Variants in IQGAP2 observed in about 807,000 individuals in gnomAD.
The protein encoded by IQGAP2 is IQ motif containing GTPase activating protein 2.
A neutral mutation model predicts 201.3 loss-of-function variants in IQGAP2; 173 were observed. The observed-to-expected ratio is 0.86, with a 90% CI of 0.76 to 0.98. IQGAP2 has a LOEUF of 0.98. Among genes scored for constraint, IQGAP2 ranks in the 50% least tolerant of loss-of-function variants. The pLI is 0.00. For missense variants in IQGAP2, 1,687 were observed against 1,864.8 expected (o/e 0.90, Z 1.76); for synonymous variants, 675 against 673.9 (o/e 1.00, Z -0.03).
chr5:76,677,573 C>A (rs1744930439), intron 28 of IQGAP2: 1 of 355,940 alleles, frequency 2.8e-6, no homozygotes, highest in Non-Finnish European at 5.0e-6. Context: ...TCCCTGACTC[C>A]TAGACATTAA....
chr5:76,557,687 G>A (rs1561461649), intron 2 of IQGAP2, among the ~76,000 whole-genome samples: 1 of 152,220 alleles, frequency 6.6e-6, no homozygotes. Context: ...ATTATAAAGA[G>A]AAAGAAGAAA....
chr5:76,575,556 A>G, intron 4 of IQGAP2, 137 bp from the exon 5 acceptor site: 1 of 500,336 alleles, frequency 2.0e-6, no homozygotes, highest in Non-Finnish European at 3.6e-6. Flanking sequence ...CAGCAAGATG[A>G]AGCAATGGCA....
rs11297908 is a variant in IQGAP2 at position 76,503,174 on chromosome 5, CTT to C, written c.146+41521_146+41522del. On this transcript the variant is annotated intron_variant, in intron 2 of 35. Transcript: ENST00000274364. ...TTTCCTTTTCTTTTTCTTTTCTTTTCTTTTTTTTTTTTTTTTTGAGACGGAGT... is the reference window on the plus strand; with the variant it reads ...TTTCCTTTTCTTTTTCTTTTCTTTTCTTTTTTTTTTTTTTTGAGACGGAGT... Among the ~76,000 whole-genome samples the C allele has an allele frequency of 6.9e-3, 750 of 109,334 alleles. 2 individuals carry two copies. Among genetic ancestry groups the C allele is most frequent in the Non-Finnish European group, 0.01 (586 of 55,848 alleles). The allele number at this position is 109,334 out of a possible 152,430, so 71.7% of individuals were successfully genotyped here. A position where few individuals can be genotyped will look rare whatever the true frequency, so the allele number is the denominator to read the frequency against.
At chr5:76,461,121 G>A (rs1040898608) in intron 1 of IQGAP2, among the ~76,000 whole-genome samples, 10 of 152,000 alleles carry the variant, frequency 6.6e-5, no homozygotes, top group South Asian at 2.1e-4. Flanking sequence ...CTTGTGATCC[G>A]CCCACCTCAG....
intron 15 of IQGAP2, among the ~76,000 whole-genome samples, chr5:76,634,786 A>G (rs1157177533): frequency 6.6e-6 from 1 of 152,172 alleles, no homozygotes; most frequent in Non-Finnish European, 1.5e-5. Flanking sequence ...TCAGCCTTGT[A>G]ACTCAGTTTA....
intron 5 of IQGAP2, among the ~76,000 whole-genome samples, chr5:76,579,440 TAAA>T (rs56658667): frequency 7.2e-6 from 1 of 138,856 alleles, no homozygotes; most frequent in Admixed American, 7.2e-5. Context: ...TTTCTTTGTT[TAAA>T]AAAAAAAAAA....
At chr5:76,507,694 A>G (rs1281035437) in intron 2 of IQGAP2, among the ~76,000 whole-genome samples, 1 of 152,232 alleles carries the variant, frequency 6.6e-6, no homozygotes, top group African/African-American at 2.4e-5. Flanking sequence ...AAAACTAAAC[A>G]ATAAGAAAAC....
chr5:76,553,362 A>G (rs1194326886), intron 2 of IQGAP2, among the ~76,000 whole-genome samples: 1 of 152,230 alleles, frequency 6.6e-6, no homozygotes, highest in Non-Finnish European at 1.5e-5. Context: ...AGAACAGGGC[A>G]CTGCATTAAA....
intron 9 of IQGAP2, 56 bp downstream of exon 9, chr5:76,592,981 T>G (rs1746764792): frequency 8.4e-7 from 1 of 1,186,914 alleles, no homozygotes; most frequent in Non-Finnish European, 1.3e-6. Context: ...CAGACTTTCC[T>G]TGCCAGAATC....
rs767691071 is a variant in IQGAP2, at chr5:76,652,841, C to A, written c.2178+8C>A. On this transcript the variant is annotated splice_region_variant and intron_variant, in intron 18 of 35. Coordinates refer to ENST00000274364, the MANE Select transcript of IQGAP2 (RefSeq NM_006633.5). ...ACTGATTCTATTGTGAAGGTAAATACCCTTTCCTACCATACCAAGTGCTTG... is the reference window on the plus strand; with the variant it reads ...ACTGATTCTATTGTGAAGGTAAATAACCTTTCCTACCATACCAAGTGCTTG... 2.0e-6 allele frequency: 3 copies of A among 1,527,536 alleles called. No homozygotes were observed. Among genetic ancestry groups the A allele is most frequent in the Admixed American group, 1.7e-5 (1 of 59,866 alleles). The allele number at this position is 1,527,536 out of a possible 1,614,324, so 94.6% of individuals were successfully genotyped here.
intron 2 of IQGAP2, among the ~76,000 whole-genome samples, chr5:76,539,954 T>C (rs1742646332): frequency 6.6e-6 from 1 of 152,240 alleles, no homozygotes; most frequent in African/African-American, 2.4e-5. Flanking sequence ...ACCACACTAA[T>C]ACTTACTGGC....
intron 2 of IQGAP2, among the ~76,000 whole-genome samples, chr5:76,558,633 T>C (rs1744111784): frequency 6.6e-6 from 1 of 152,250 alleles, no homozygotes; most frequent in South Asian, 2.1e-4. Context: ...ATATGCATGA[T>C]ATGTGAAAAG....
At chr5:76,488,884 C>T (rs1756339297) in intron 2 of IQGAP2, among the ~76,000 whole-genome samples, 1 of 152,132 alleles carries the variant, frequency 6.6e-6, no homozygotes, top group African/African-American at 2.4e-5. Flanking sequence ...AATATCATAC[C>T]TTGAAAGGCC....
chr5:76,467,318 A>T (rs1754834616), intron 2 of IQGAP2, among the ~76,000 whole-genome samples: 1 of 152,234 alleles, frequency 6.6e-6, no homozygotes, highest in Non-Finnish European at 1.5e-5. Flanking sequence ...GCCTAATTTT[A>T]AAATGGGCAA....
At chr5:76,511,691 T>G (rs140423578) in intron 2 of IQGAP2, among the ~76,000 whole-genome samples, 2,458 of 144,064 alleles carry the variant, frequency 0.017, 41 homozygotes, top group African/African-American at 0.038. Flanking sequence ...GTTTTGTTTT[T>G]TTTTTTTGAG....
Position 76,528,285 on chromosome 5 carries a change from T to C in IQGAP2, c.147-34111T>C, listed in dbSNP as rs537334003. ...ACAATTTGGTATATTTGGTTTACTA[T>C]TGGTCTTCTGTTATTTCACATATTA... On this transcript the variant is annotated intron_variant, in intron 2 of 35. Coordinates refer to ENST00000274364, the MANE Select transcript of IQGAP2 (RefSeq NM_006633.5). Among the ~76,000 whole-genome samples, 3 of 152,346 alleles carry C rather than the reference T, an allele frequency of 2.0e-5. No homozygotes were observed. The South Asian group carries it at 6.2e-4, about 32-fold the overall frequency.
At chr5:76,641,427 T>C (rs1228200950) in intron 17 of IQGAP2, among the ~76,000 whole-genome samples, 1 of 152,168 alleles carries the variant, frequency 6.6e-6, no homozygotes, top group African/African-American at 2.4e-5. Flanking sequence ...GACTTTACAA[T>C]TTGGCTTTTT....
chr5:76,632,059 G>C, intron 15 of IQGAP2, 33 bp downstream of exon 15: 1 of 1,511,628 alleles, frequency 6.6e-7, no homozygotes, highest in Non-Finnish European at 9.0e-7. Flanking sequence ...CACAAACTAA[G>C]TATTTTAAAT....
intron 13 of IQGAP2, among the ~76,000 whole-genome samples, chr5:76,614,409 TAACAGATTTA>T (rs1190515801): frequency 1.3e-5 from 2 of 152,184 alleles, no homozygotes; most frequent in Non-Finnish European, 2.9e-5. Context: ...TGGCAATTAC[TAACAGATTTA>T]AACAGATTTA....
Sources: gnomAD v4.1 joint callset for allele counts (sites outside exome capture counted in the v4.1 genomes callset) on GRCh38, gnomAD v4.1.1 for gene constraint, MANE v1.5 for transcripts, NCBI Gene and HGNC (gene_info 2026-07-23, HGNC 2026-07-21) for gene names.